The following ARFGEF3 variants were observed in gnomAD, a reference collection of about 807,000 sequenced individuals.
The protein encoded by ARFGEF3 is brefeldin A-inhibited guanine nucleotide-exchange protein 3.
ARFGEF3 carries 96 observed loss-of-function variants against 221.7 expected under a neutral mutation model. The observed-to-expected ratio is 0.43, with a 90% CI of 0.37 to 0.51. The LOEUF (loss-of-function observed/expected upper bound fraction) is 0.51. ARFGEF3 is among the 20% of genes least tolerant of loss of function. ARFGEF3 has a pLI of 0.00. For missense variants in ARFGEF3, 2,410 were observed against 2,789.9 expected (o/e 0.86, Z 3.07); for synonymous variants, 1,145 against 1,126.8 (o/e 1.02, Z -0.32).
At chr6:138,202,540 G>T (rs1777556001) in intron 2 of ARFGEF3, among the ~76,000 whole-genome samples, 1 of 152,060 alleles carries the variant, frequency 6.6e-6, no homozygotes, top group Non-Finnish European at 1.5e-5. Context: ...GGGATGAGAG[G>T]CCTTGGATAC....
At chr6:138,331,824 G>T (rs1027377002) in intron 32 of ARFGEF3, among the ~76,000 whole-genome samples, 5 of 152,162 alleles carry the variant, frequency 3.3e-5, no homozygotes, top group African/African-American at 1.2e-4. Flanking sequence ...AGATGATTAA[G>T]AATTGCATAT....
chr6:138,270,427 G>GACACACACACACACACACACACAC lies in ARFGEF3; in HGVS notation c.2128+6830_2128+6853dup, dbSNP rs3044804. Among the ~76,000 whole-genome samples, 83 of 139,502 alleles carry GACACACACACACACACACACACAC rather than the reference G, an allele frequency of 5.9e-4. 1 individual carries two copies. The highest frequency in any genetic ancestry group is 1.1e-3 in the Non-Finnish European group (74 of 64,980). The allele number at this position is 139,502 out of a possible 152,430, so 91.5% of individuals were successfully genotyped here. A position where few individuals can be genotyped will look rare whatever the true frequency, so the allele number is the denominator to read the frequency against. On this transcript the variant is annotated intron_variant, in intron 12 of 33. Transcript: ENST00000251691. ...GCTCTAACTTCAGGAATTTTACGTA[G>GACACACACACACACACACACACAC]ACACACACACACACACACACACACA...
intron 22 of ARFGEF3, among the ~76,000 whole-genome samples, chr6:138,306,372 A>C (rs1465946782): frequency 6.6e-6 from 1 of 152,192 alleles, no homozygotes; most frequent in Non-Finnish European, 1.5e-5. Flanking sequence ...AATATTTTTA[A>C]AATAGCAAAT....
intron 12 of ARFGEF3, among the ~76,000 whole-genome samples, chr6:138,272,859 A>G (rs992549607): frequency 6.6e-6 from 1 of 152,256 alleles, no homozygotes; most frequent in Non-Finnish European, 1.5e-5. Flanking sequence ...GTATGTATCT[A>G]TTAAACTTAA....
At chr6:138,307,844 A>C (rs1396266046) in intron 23 of ARFGEF3, among the ~76,000 whole-genome samples, 1 of 152,122 alleles carries the variant, frequency 6.6e-6, no homozygotes, top group Non-Finnish European at 1.5e-5. Context: ...CCACCCCTAA[A>C]CTCAGAAACC....
At chr6:138,318,896 C>T (rs1051708549) in intron 27 of ARFGEF3, among the ~76,000 whole-genome samples, 7 of 152,070 alleles carry the variant, frequency 4.6e-5, no homozygotes, top group African/African-American at 1.7e-4. Context: ...TACGTAAATA[C>T]AATAGAAATA....
At chr6:138,303,529 G>A (rs1055961092) in intron 22 of ARFGEF3, among the ~76,000 whole-genome samples, 3 of 152,112 alleles carry the variant, frequency 2.0e-5, no homozygotes, top group Admixed American at 2.0e-4. Context: ...TAGCGGCCAG[G>A]CACAGTGGCT....
intron 29 of ARFGEF3, 89 bp from the exon 30 acceptor site, chr6:138,323,582 G>A: frequency 4.1e-6 from 5 of 1,214,276 alleles, no homozygotes; most frequent in Non-Finnish European, 5.9e-6. Flanking sequence ...GTGCACTCCA[G>A]GCTGGGCAAC....
intron 18 of ARFGEF3, among the ~76,000 whole-genome samples, chr6:138,290,791 G>A (rs1779389215): frequency 1.3e-5 from 2 of 152,282 alleles, no homozygotes; most frequent in South Asian, 4.1e-4. Context: ...CCAGGGCAAT[G>A]GCCAATGGCC....
At chr6:138,181,204 A>G (rs1777073334) in intron 2 of ARFGEF3, among the ~76,000 whole-genome samples, 1 of 152,190 alleles carries the variant, frequency 6.6e-6, no homozygotes, top group African/African-American at 2.4e-5. Context: ...TAAAGAAGTC[A>G]CCACTTAAAA....
chr6:138,197,092 C>T lies in ARFGEF3; in HGVS notation c.138-9950C>T, dbSNP rs557832868. On this transcript the variant is annotated intron_variant, in intron 2 of 33. Transcript: ENST00000251691. The stretch of plus-strand genomic sequence containing the variant: ...AGGTGATCCACCTGCCTCAGCCTCC[C>T]AAAGTGCTGGGATTACAGGCATGAG... Among the ~76,000 whole-genome samples, 9 of 152,312 alleles carry T rather than the reference C, an allele frequency of 5.9e-5. No homozygotes were observed. The East Asian group carries it at 1.5e-3, about 26-fold the overall frequency.
chr6:138,167,647 A>G (rs2114423384), intron 1 of ARFGEF3, among the ~76,000 whole-genome samples: 1 of 152,300 alleles, frequency 6.6e-6, no homozygotes, highest in Admixed American at 6.5e-5. Flanking sequence ...CCTCCTAAAT[A>G]TATGTCAAGC....
At chr6:138,286,289 A>G (rs959383901) in intron 15 of ARFGEF3, among the ~76,000 whole-genome samples, 3 of 152,094 alleles carry the variant, frequency 2.0e-5, no homozygotes, top group Non-Finnish European at 4.4e-5. Context: ...TCTCTACTAA[A>G]AATACAAAAA....
intron 2 of ARFGEF3, among the ~76,000 whole-genome samples, 188 bp from the exon 3 acceptor site, chr6:138,206,854 G>A (rs1424191012): frequency 2.0e-5 from 3 of 152,208 alleles, no homozygotes; most frequent in Non-Finnish European, 4.4e-5. Context: ...GCAAGGGGTT[G>A]ATGGGCTATC....
chr6:138,242,820 G>A (rs1261199299), intron 6 of ARFGEF3, 132 bp from the exon 7 acceptor site: 11 of 680,426 alleles, frequency 1.6e-5, no homozygotes, highest in Non-Finnish European at 2.9e-5. Context: ...GGGTAGGGGT[G>A]GGCTCAGGCA....
intron 2 of ARFGEF3, among the ~76,000 whole-genome samples, chr6:138,193,855 G>T (rs1010236919): frequency 6.6e-6 from 1 of 152,022 alleles, no homozygotes; most frequent in African/African-American, 2.4e-5. Flanking sequence ...AAAATTATTA[G>T]TTTTGTTTTG....
chr6:138,247,883 C>T (rs1328789165), intron 8 of ARFGEF3, among the ~76,000 whole-genome samples: 1 of 152,166 alleles, frequency 6.6e-6, no homozygotes, highest in African/African-American at 2.4e-5. Flanking sequence ...CTGAAGTTAA[C>T]AGGATTCATT....
intron 22 of ARFGEF3, among the ~76,000 whole-genome samples, chr6:138,304,009 C>T (rs374272455): frequency 3.7e-4 from 56 of 151,490 alleles, no homozygotes; most frequent in African/African-American, 1.1e-3. Flanking sequence ...GGTATATAAC[C>T]GAGAGAAATG....
chr6:138,221,928 G>A (rs1777989940), intron 4 of ARFGEF3, among the ~76,000 whole-genome samples: 1 of 152,200 alleles, frequency 6.6e-6, no homozygotes. Context: ...GCCAGAGAGT[G>A]ATTTGGTTGA....
Sources: gnomAD v4.1 joint callset for allele counts (sites outside exome capture counted in the v4.1 genomes callset) on GRCh38, gnomAD v4.1.1 for gene constraint, MANE v1.5 for transcripts, NCBI Gene and HGNC (gene_info 2026-07-23, HGNC 2026-07-21) for gene names.